Variants in DNAJC7 observed in about 807,000 individuals in gnomAD.
DNAJC7 encodes the protein dnaJ homolog subfamily C member 7.
Under a neutral mutation model 67.4 loss-of-function variants are expected in DNAJC7, and 18 were observed. The observed-to-expected ratio is 0.27, with a 90% CI of 0.18 to 0.40. The LOEUF (loss-of-function observed/expected upper bound fraction) is 0.40, where lower values mean the gene tolerates loss of function less well. Ranked by LOEUF, DNAJC7 falls within the 10% of genes least tolerant of loss-of-function variation. The pLI, the probability that DNAJC7 is intolerant of heterozygous loss-of-function variation, is 1.00. For missense variants in DNAJC7, 419 were observed against 613.8 expected (o/e 0.68, Z 3.35); for synonymous variants, 220 against 207.8 (o/e 1.06, Z -0.50).
chr17:41,995,597 G>C (rs1803174060), intron 4 of DNAJC7, among the ~76,000 whole-genome samples: 1 of 152,204 alleles, frequency 6.6e-6, no homozygotes, highest in South Asian at 2.1e-4. Context: ...ACGCTATACA[G>C]GTTTTAGTCC....
intron 12 of DNAJC7, among the ~76,000 whole-genome samples, chr17:41,979,328 G>A (rs1455999279): frequency 6.6e-6 from 1 of 151,192 alleles, no homozygotes; most frequent in Non-Finnish European, 1.5e-5. Flanking sequence ...GACAGAGTAA[G>A]ACCATGTCTC....
At chr17:41,996,490 C>A in intron 3 of DNAJC7, 66 bp from the exon 4 acceptor site, 2 of 1,439,704 alleles carry the variant, frequency 1.4e-6, no homozygotes, top group South Asian at 1.2e-5. Context: ...TCAACAGCAG[C>A]AACAGACACC....
intron 1 of DNAJC7, among the ~76,000 whole-genome samples, chr17:42,006,466 C>T (rs1306323206): frequency 3.3e-5 from 5 of 151,774 alleles, no homozygotes; most frequent in Admixed American, 1.3e-4. Flanking sequence ...AACCATGTTC[C>T]TGCAGCCTGG....
rs10631965 is a variant in DNAJC7, at chr17:42,003,950, ATTTTTT to A, written c.78-3386_78-3381del. Among the ~76,000 whole-genome samples, 11 of 94,326 alleles carry A rather than the reference ATTTTTT, an allele frequency of 1.2e-4. No individual in the cohort carries two copies. In the South Asian group the frequency reaches 2.3e-3, roughly 19 times the overall value. 61.9% of individuals were successfully genotyped at this position (94,326 alleles called of 152,430 possible). ...GAAGCATTTCCAATGAAGATTTTCA[ATTTTTT>A]TTTTTTTTTTTTTTTTTTAGATGGA... On this transcript the variant is annotated intron_variant, in intron 1 of 13. Transcript: ENST00000457167.
intron 12 of DNAJC7, chr17:41,977,773 G>C (rs1055842620): frequency 6.4e-6 from 1 of 156,208 alleles, no homozygotes; most frequent in Middle Eastern, 3.1e-3. Context: ...CTTTTACTCC[G>C]TAGACTCTAG....
chr17:41,994,457 G>A (rs2051600596), intron 5 of DNAJC7, among the ~76,000 whole-genome samples: 1 of 151,052 alleles, frequency 6.6e-6, no homozygotes. Flanking sequence ...TTTGAACCCG[G>A]GAGGCGGAGG....
Position 41,987,837 on chromosome 17 carries a change from T to C in DNAJC7, c.992A>G (p.Tyr331Cys). The C allele has an allele frequency of 1.9e-6, 3 of 1,610,446 alleles. No individual in the cohort carries two copies. The highest frequency in any genetic ancestry group is 2.5e-6 in the Non-Finnish European group (3 of 1,178,358). Residue 331 changes from tyrosine to cysteine, a missense_variant, in exon 9 of 14, where the codon TAC becomes TGC. Transcript: ENST00000457167. Reference sequence around the variant, plus strand: ...CACTTACCACTGAGCTCTTCTCAAGTAGGCTTTTATGTAAGTGTCATCAAG... The same window carrying C: ...CACTTACCACTGAGCTCTTCTCAAGCAGGCTTTTATGTAAGTGTCATCAAG... The part of the protein sequence containing the change: ...VKLDDTYIKA[Y>C]LRRAQCYMDT...
At chr17:42,010,783 A>C (rs2052096339) in intron 1 of DNAJC7, among the ~76,000 whole-genome samples, 1 of 152,156 alleles carries the variant, frequency 6.6e-6, no homozygotes, top group Non-Finnish European at 1.5e-5. Context: ...CTTATCTGAC[A>C]ATCTGGCCTC....
intron 2 of DNAJC7, among the ~76,000 whole-genome samples, chr17:41,999,113 G>A (rs1367614477): frequency 3.3e-5 from 5 of 150,684 alleles, no homozygotes; most frequent in Middle Eastern, 3.4e-3. Flanking sequence ...ACGGAGATTC[G>A]CGCTTGTTGC....
At chr17:42,008,893 G>A (rs2052045361) in intron 1 of DNAJC7, among the ~76,000 whole-genome samples, 1 of 152,064 alleles carries the variant, frequency 6.6e-6, no homozygotes. Context: ...TATTTTAGTA[G>A]AGATGAGGTC....
At chr17:42,016,892 TA>T (rs1207278528) in intron 1 of DNAJC7, 1 of 1,015,416 alleles carries the variant, frequency 9.8e-7, no homozygotes, top group Non-Finnish European at 1.2e-6. Context: ...CGCTGGGGTA[TA>T]ATTACAAGGG....
intron 6 of DNAJC7, 25 bp from the exon 7 acceptor site, chr17:41,989,582 T>A (rs781821240): frequency 1.2e-6 from 2 of 1,612,056 alleles, no homozygotes; most frequent in Non-Finnish European, 8.5e-7. Context: ...AAAGGGCACA[T>A]TGAGCTGTGC....
intron 12 of DNAJC7, chr17:41,977,644 A>G (rs879966135): frequency 8.6e-6 from 2 of 232,330 alleles, no homozygotes; most frequent in Non-Finnish European, 1.7e-5. Context: ...GACTTTCCCC[A>G]TACTCTGTCT....
rs543428157 is a variant in DNAJC7, at chr17:42,000,734, G to C, written c.78-164C>G. On this transcript the variant is annotated intron_variant, in intron 1 of 13. Transcript: ENST00000457167. The stretch of plus-strand genomic sequence containing the variant: ...TGTTGAATAGGCCAATGGACCAAAA[G>C]GAGGTGCTAATGAAAGAATCCAAGT... Among the ~76,000 whole-genome samples the C allele has an allele frequency of 6.6e-5, 10 of 152,296 alleles. No homozygotes were observed. In the East Asian group the frequency reaches 1.7e-3, roughly 26 times the overall value.
At chr17:42,002,854 TG>T (rs1441305366) in intron 1 of DNAJC7, among the ~76,000 whole-genome samples, 28 of 152,308 alleles carry the variant, frequency 1.8e-4, no homozygotes, top group African/African-American at 6.5e-4. Context: ...ACACCCCACA[TG>T]TAATATTCAA....
intron 1 of DNAJC7, chr17:42,003,302 C>T (rs983196441): frequency 1.3e-5 from 2 of 152,212 alleles, no homozygotes; most frequent in East Asian, 3.8e-4. Flanking sequence ...TGGAGTCCCT[C>T]CTTCATTTTG....
chr17:41,980,261 G>T (rs2051214757), intron 12 of DNAJC7, among the ~76,000 whole-genome samples: 2 of 152,024 alleles, frequency 1.3e-5, no homozygotes, highest in Non-Finnish European at 2.9e-5. Context: ...TGTTGGGCAG[G>T]ATGGTCTCAA....
intron 8 of DNAJC7, among the ~76,000 whole-genome samples, chr17:41,988,211 G>A (rs933817768): frequency 6.6e-5 from 10 of 152,044 alleles, no homozygotes; most frequent in Non-Finnish European, 1.3e-4. Flanking sequence ...TTTTCCAGAG[G>A]TCACCTGCAG....
intron 8 of DNAJC7, 132 bp downstream of exon 8, chr17:41,988,597 GTTC>G: frequency 9.0e-7 from 1 of 1,107,864 alleles, no homozygotes; most frequent in Non-Finnish European, 1.2e-6. Flanking sequence ...TTGGAAGGGA[GTTC>G]CTAACAAACT....
Sources: gnomAD v4.1 joint callset for allele counts (sites outside exome capture counted in the v4.1 genomes callset) on GRCh38, gnomAD v4.1.1 for gene constraint, MANE v1.5 for transcripts, NCBI Gene and HGNC (gene_info 2026-07-23, HGNC 2026-07-21) for gene names.